The following PLBD2 variants were observed in gnomAD, a reference collection of about 807,000 sequenced individuals.
PLBD2 encodes putative aminopeptidase PLBD2.
In PLBD2, 51 loss-of-function variants were observed where a neutral mutation model predicts 68.3. The observed-to-expected ratio is 0.75, with a 90% CI of 0.60 to 0.94. The LOEUF (loss-of-function observed/expected upper bound fraction) is 0.94. Among genes scored for constraint, PLBD2 ranks in the 40% least tolerant of loss-of-function variants. The pLI is 0.00. For missense variants in PLBD2, 729 were observed against 792.2 expected (o/e 0.92, Z 0.96); for synonymous variants, 314 against 339.3 (o/e 0.93, Z 0.82).
At chr12:113,371,867 CT>C (rs1454896687) in intron 2 of PLBD2, among the ~76,000 whole-genome samples, 4 of 152,226 alleles carry the variant, frequency 2.6e-5, no homozygotes, top group Admixed American at 6.5e-5. Flanking sequence ...CTAGTGTGCC[CT>C]GCTGCCTCCC....
chr12:113,367,674 T>C (rs1957352657), intron 1 of PLBD2, among the ~76,000 whole-genome samples: 1 of 143,694 alleles, frequency 7.0e-6, no homozygotes, highest in South Asian at 2.2e-4. Context: ...AGTTTGAGCC[T>C]GGGAGGCCGG....
At chr12:113,387,698 C>T (rs1446796205) in intron 10 of PLBD2, 46 bp from the exon 11 acceptor site, 2 of 1,593,366 alleles carry the variant, frequency 1.3e-6, no homozygotes. Flanking sequence ...CCGTCTTAGC[C>T]TCTCCTTCCT....
At chr12:113,385,440 A>G (rs1262562774) in intron 9 of PLBD2, among the ~76,000 whole-genome samples, 157 bp downstream of exon 9, 1 of 152,180 alleles carries the variant, frequency 6.6e-6, no homozygotes, top group Non-Finnish European at 1.5e-5. Context: ...TTGGCAGTGT[A>G]GTTGCATGGC....
chr12:113,370,453 G>A (rs1464431632), intron 2 of PLBD2, among the ~76,000 whole-genome samples: 2 of 144,784 alleles, frequency 1.4e-5, no homozygotes, highest in Admixed American at 1.4e-4. Context: ...AGTACCTAGT[G>A]TAATTTTCTT....
chr12:113,368,350 C>T (rs956192525), intron 1 of PLBD2, among the ~76,000 whole-genome samples: 2 of 152,156 alleles, frequency 1.3e-5, no homozygotes, highest in African/African-American at 4.8e-5. Flanking sequence ...CTCATGGATC[C>T]GTGGGGCTGC....
At chr12:113,359,692 G>T (rs1287400897) in intron 1 of PLBD2, among the ~76,000 whole-genome samples, 1 of 152,232 alleles carries the variant, frequency 6.6e-6, no homozygotes, top group Non-Finnish European at 1.5e-5. Context: ...TGTGCTGCAA[G>T]TTCTGTACAA....
At position 113,384,776 on chromosome 12, in the gene PLBD2, G is replaced by A. The variant is rs1180869000; in HGVS notation, c.1119-75G>A. On this transcript the variant is annotated intron_variant, in intron 7 of 11. Coordinates refer to ENST00000280800, the MANE Select transcript of PLBD2 (RefSeq NM_173542.4). This position sits in a 1 kb window ranked among gnomAD's most constrained non-coding sequence, Gnocchi z 4.2. Reference sequence around the variant, plus strand: ...CACTTCCTGTAATTCCTAGCTGAGTGGGACACTGCAGGGTGGGGAAAGCTG... The same window carrying A: ...CACTTCCTGTAATTCCTAGCTGAGTAGGACACTGCAGGGTGGGGAAAGCTG... 3.3e-6 allele frequency: 4 copies of A among 1,230,416 alleles called. No individual in the cohort carries two copies. Among genetic ancestry groups the A allele is most frequent in the Non-Finnish European group, 4.7e-6 (4 of 843,864 alleles). The allele number at this position is 1,230,416 out of a possible 1,614,324, so 76.2% of individuals were successfully genotyped here. A position where few individuals can be genotyped will look rare whatever the true frequency, so the allele number is the denominator to read the frequency against.
chr12:113,362,126 G>T (rs1450928191), intron 1 of PLBD2, among the ~76,000 whole-genome samples: 3 of 152,140 alleles, frequency 2.0e-5, no homozygotes. Context: ...CAGGAGGATG[G>T]CGAGGGGCCA....
At chr12:113,377,598 G>T (rs1174483979) in intron 5 of PLBD2, among the ~76,000 whole-genome samples, 3 of 152,100 alleles carry the variant, frequency 2.0e-5, no homozygotes, top group African/African-American at 7.2e-5. Flanking sequence ...GCTAATTTTT[G>T]TATTTTCCGT....
intron 11 of PLBD2, among the ~76,000 whole-genome samples, chr12:113,388,203 G>A (rs568537292): frequency 6.6e-5 from 10 of 152,216 alleles, no homozygotes; most frequent in South Asian, 2.1e-4. Context: ...TTAGCTAGGC[G>A]TGGTGGCGGG....
At position 113,380,794 on chromosome 12, in the gene PLBD2, C is replaced by A; in HGVS notation, c.909C>A (p.Pro303=). 6.4e-7 allele frequency: 1 copy of A among 1,556,996 alleles called. No individual in the cohort carries two copies. The change falls in exon 6 of 12, where the codon CCC becomes CCA. Residue 303 remains proline, a synonymous_variant. Coordinates refer to ENST00000280800, the MANE Select transcript of PLBD2 (RefSeq NM_173542.4). ...ACAAGCTGGTCTTCTCCTCCTACCC[C>A]GGCACCATCTTCTCCTGCGACGACT... ...PGNKLVFSSY[P]GTIFSCDDFY...
intron 5 of PLBD2, among the ~76,000 whole-genome samples, chr12:113,379,986 C>T (rs1957471605): frequency 6.6e-6 from 1 of 152,192 alleles, no homozygotes; most frequent in African/African-American, 2.4e-5. Context: ...TATAATACGG[C>T]TGACTGTTTA....
chr12:113,364,056 C>G (rs1957319977), intron 1 of PLBD2, among the ~76,000 whole-genome samples: 1 of 152,190 alleles, frequency 6.6e-6, no homozygotes, highest in African/African-American at 2.4e-5. Context: ...TTGTATCAGG[C>G]CCCTAATGAT....
chr12:113,388,762 C>T lies in PLBD2; in HGVS notation c.*136C>T, dbSNP rs1957578530. 1 of 995,566 alleles carries T rather than the reference C, an allele frequency of 1.0e-6. No individual in the cohort carries two copies. Among genetic ancestry groups the T allele is most frequent in the African/African-American group, 1.7e-5 (1 of 59,760 alleles). The allele number at this position is 995,566 out of a possible 1,614,324, so 61.7% of individuals were successfully genotyped here. ...TGATCTGGGGTCTGAGTCATCTCCT[C>T]CTAGAGTGGGTCACGAACCTGATGG... is the stretch of plus-strand genomic sequence containing the variant. On this transcript the variant is annotated 3_prime_UTR_variant, in exon 12 of 12. Coordinates refer to ENST00000280800, the MANE Select transcript of PLBD2 (RefSeq NM_173542.4).
In PLBD2 at chr12:113,387,033, C is replaced by A; in HGVS notation, c.1383C>A (p.Ile461=). 6.2e-7 allele frequency: 1 copy of A among 1,611,942 alleles called. No individual in the cohort carries two copies. Residue 461 remains isoleucine, a synonymous_variant, in exon 10 of 12, where the codon ATC becomes ATA. Transcript: ENST00000280800. ...ATGACGGGAGCCCCCGGGCCCAGATCTTCCGGCGGAACCAGTCACTGGTAC... is the reference window on the plus strand; with the variant it reads ...ATGACGGGAGCCCCCGGGCCCAGATATTCCGGCGGAACCAGTCACTGGTAC... ...FSYDGSPRAQ[I]FRRNQSLVQD...
intron 1 of PLBD2, among the ~76,000 whole-genome samples, chr12:113,363,737 C>T (rs1252354826): frequency 6.6e-6 from 1 of 151,982 alleles, no homozygotes; most frequent in African/African-American, 2.4e-5. Context: ...CGGGGTTTCA[C>T]CATGTTAGCC....
intron 1 of PLBD2, among the ~76,000 whole-genome samples, chr12:113,367,663 T>C (rs1208704288): frequency 6.7e-6 from 1 of 149,064 alleles, no homozygotes; most frequent in Non-Finnish European, 1.5e-5. Flanking sequence ...GGTGGAAGGA[T>C]AGTTTGAGCC....
At position 113,390,157 on chromosome 12, in the gene PLBD2, A is replaced by T. The variant is rs995787935; in HGVS notation, c.*1531A>T. The T allele has an allele frequency of 1.3e-5, 2 of 151,386 alleles. No homozygotes were observed. Among genetic ancestry groups the T allele is most frequent in the Non-Finnish European group, 2.9e-5 (2 of 67,826 alleles). 9.4% of individuals were successfully genotyped at this position (151,386 alleles called of 1,614,324 possible). On this transcript the variant is annotated 3_prime_UTR_variant, in exon 12 of 12. Coordinates refer to ENST00000280800, the MANE Select transcript of PLBD2 (RefSeq NM_173542.4). Reference sequence around the variant, plus strand: ...TGGCTTACGAAGTTCTTATCTATCTATCACCCATCCACCCACCCATTTATC... The same window carrying T: ...TGGCTTACGAAGTTCTTATCTATCTTTCACCCATCCACCCACCCATTTATC...
rs1266790310 is a variant in PLBD2, at chr12:113,387,797, A to G, written c.1493A>G (p.Gln498Arg). 1 of 1,614,158 alleles carries G rather than the reference A, an allele frequency of 6.2e-7. No homozygotes were observed. ...PLSLCKACNP[Q>R]PNGENAISAR... ...TCACTGTGCAAAGCCTGCAACCCCC[A>G]GCCCAATGGGGAGAATGCTATCTCC... The change falls in exon 11 of 12, where the codon CAG becomes CGG. Residue 498 changes from glutamine (Q) to arginine (R), a missense_variant. Physicochemically the swap from Gln to Arg is conservative, Grantham distance 43 (BLOSUM62 1). Coordinates refer to ENST00000280800, the MANE Select transcript of PLBD2 (RefSeq NM_173542.4).
Sources: gnomAD v4.1 joint callset for allele counts (sites outside exome capture counted in the v4.1 genomes callset) on GRCh38, gnomAD v4.1.1 for gene constraint, Gnocchi (gnomAD v3.1) non-coding constraint, MANE v1.5 for transcripts, NCBI Gene and HGNC (gene_info 2026-07-23, HGNC 2026-07-21) for gene names.